PTPRT: variants seen among roughly 807,000 people sequenced by gnomAD.
The protein encoded by PTPRT is protein tyrosine phosphatase receptor type T, also known as receptor-type tyrosine-protein phosphatase T.
PTPRT carries 56 observed loss-of-function variants against 176.8 expected under a neutral mutation model. The observed-to-expected ratio is 0.32, with a 90% CI of 0.26 to 0.40. The LOEUF (loss-of-function observed/expected upper bound fraction) is 0.40, where lower values mean the gene tolerates loss of function less well. Among genes scored for constraint, PTPRT ranks in the 10% least tolerant of loss-of-function variants. The pLI is 1.00. For missense variants in PTPRT, 1,540 were observed against 1,908.2 expected (o/e 0.81, Z 3.60); for synonymous variants, 783 against 739.0 (o/e 1.06, Z -0.96).
At chr20:42,504,018 G>T (rs2071801652) in intron 7 of PTPRT, among the ~76,000 whole-genome samples, 1 of 151,808 alleles carries the variant, frequency 6.6e-6, no homozygotes, top group South Asian at 2.1e-4. Flanking sequence ...ACCCTCATTT[G>T]TTTTTTCCTT....
intron 16 of PTPRT, among the ~76,000 whole-genome samples, chr20:42,163,646 C>T (rs774004116): frequency 1.7e-3 from 255 of 152,106 alleles, no homozygotes; most frequent in Non-Finnish European, 2.9e-3. Flanking sequence ...AGGAAATAGA[C>T]GAGAAGAATC....
chr20:42,415,578 T>C (rs918710420), intron 9 of PTPRT, among the ~76,000 whole-genome samples: 1 of 152,176 alleles, frequency 6.6e-6, no homozygotes, highest in Non-Finnish European at 1.5e-5. Flanking sequence ...AGTATTATAA[T>C]AATAGTAATG....
chr20:42,123,671 G>C (rs976441181), intron 19 of PTPRT, among the ~76,000 whole-genome samples: 1 of 152,138 alleles, frequency 6.6e-6, no homozygotes, highest in East Asian at 1.9e-4. Flanking sequence ...TTCAGAGATA[G>C]GGATCACATG....
intron 8 of PTPRT, among the ~76,000 whole-genome samples, chr20:42,470,952 T>A (rs2071184985): frequency 6.6e-6 from 1 of 152,000 alleles, no homozygotes; most frequent in South Asian, 2.1e-4. Flanking sequence ...GAGGGAGACA[T>A]GGAGGCTCCT....
intron 7 of PTPRT, among the ~76,000 whole-genome samples, chr20:42,640,198 C>T (rs2074708662): frequency 6.6e-6 from 1 of 152,112 alleles, no homozygotes; most frequent in African/African-American, 2.4e-5. Context: ...GTAAATCCCA[C>T]ACATTAGAAT....
At chr20:42,871,306 A>G (rs78974016) in intron 2 of PTPRT, among the ~76,000 whole-genome samples, 1 of 25,564 alleles carries the variant, frequency 3.9e-5, no homozygotes, top group Non-Finnish European at 7.2e-5. Context: ...TGTCTATTTC[A>G]GCCCTTTTTA....
chr20:43,113,257 A>G (rs1368877392), intron 1 of PTPRT, among the ~76,000 whole-genome samples: 1 of 152,226 alleles, frequency 6.6e-6, no homozygotes, highest in Non-Finnish European at 1.5e-5. Context: ...TCTGTTTCCA[A>G]ATGAATTTGG....
intron 1 of PTPRT, among the ~76,000 whole-genome samples, chr20:42,979,969 A>T (rs1281181307): frequency 5.6e-5 from 3 of 53,622 alleles, no homozygotes; most frequent in African/African-American, 8.1e-5. Context: ...GCATGCAAGT[A>T]TGCCGGCCGG....
At chr20:43,109,631 G>T (rs1370649369) in intron 1 of PTPRT, among the ~76,000 whole-genome samples, 1 of 152,018 alleles carries the variant, frequency 6.6e-6, no homozygotes, top group Non-Finnish European at 1.5e-5. Flanking sequence ...CATTCAAGTG[G>T]AAAGACAAGC....
intron 1 of PTPRT, among the ~76,000 whole-genome samples, chr20:43,070,013 C>G (rs1037858453): frequency 2.0e-5 from 3 of 152,176 alleles, no homozygotes; most frequent in African/African-American, 7.2e-5. Context: ...TTAGAAAACG[C>G]TTTTGCCCAA....
intron 15 of PTPRT, among the ~76,000 whole-genome samples, chr20:42,233,827 G>C (rs1301625134): frequency 6.6e-6 from 1 of 152,202 alleles, no homozygotes; most frequent in Non-Finnish European, 1.5e-5. Flanking sequence ...CTGCTGGTAT[G>C]AGCTTCCTGC....
the PTPRT span, among the ~76,000 whole-genome samples, chr20:42,057,092 T>A: frequency 2.6e-5 from 4 of 152,364 alleles, no homozygotes; most frequent in Non-Finnish European, 4.4e-5. Context: ...GTCATTGTAT[T>A]GTATATCTGC....
chr20:42,106,695 G>T (rs555155152), intron 24 of PTPRT, 91 bp downstream of exon 24: 1 of 1,496,808 alleles, frequency 6.7e-7, no homozygotes. Context: ...TCCATAGGAT[G>T]CCCCTACCTA....
intron 13 of PTPRT, among the ~76,000 whole-genome samples, chr20:42,274,124 T>G (rs2056985106): frequency 6.6e-6 from 1 of 152,246 alleles, no homozygotes; most frequent in South Asian, 2.1e-4. Context: ...TGTTTACCAG[T>G]GTCTGTTCCA....
intron 2 of PTPRT, among the ~76,000 whole-genome samples, chr20:42,809,124 A>T (rs2077657943): frequency 6.6e-6 from 1 of 152,186 alleles, no homozygotes; most frequent in East Asian, 1.9e-4. Context: ...CAGCAAGGAG[A>T]TTAGTTAGGG....
At chr20:42,952,800 C>A (rs901655120) in intron 1 of PTPRT, among the ~76,000 whole-genome samples, 1 of 152,140 alleles carries the variant, frequency 6.6e-6, no homozygotes, top group Non-Finnish European at 1.5e-5. Flanking sequence ...ATAGATCTAC[C>A]AGCATCTTGC....
intron 1 of PTPRT, among the ~76,000 whole-genome samples, chr20:43,125,237 T>G (rs2013398971): frequency 6.6e-6 from 1 of 151,746 alleles, no homozygotes. Context: ...TGATCTCAAG[T>G]GATCCACCCA....
At chr20:42,711,700 T>G (rs1341043490) in intron 6 of PTPRT, among the ~76,000 whole-genome samples, 2 of 151,986 alleles carry the variant, frequency 1.3e-5, no homozygotes, top group Non-Finnish European at 2.9e-5. Flanking sequence ...ATGTATAGAG[T>G]AGAGCCCTAT....
chr20:42,799,920 T>C (rs1248530781), intron 2 of PTPRT, among the ~76,000 whole-genome samples: 3 of 152,172 alleles, frequency 2.0e-5, no homozygotes, highest in African/African-American at 7.2e-5. Flanking sequence ...TGGCTTGGAT[T>C]TTCTACCTAG....
Sources: gnomAD v4.1 joint callset for allele counts (sites outside exome capture counted in the v4.1 genomes callset) on GRCh38, gnomAD v4.1.1 for gene constraint, MANE v1.5 for transcripts, NCBI Gene and HGNC (gene_info 2026-07-23, HGNC 2026-07-21) for gene names.